Variants in HMCN2 observed in about 807,000 individuals in gnomAD.
HMCN2 encodes hemicentin-2.
A neutral mutation model predicts 377.5 loss-of-function variants in HMCN2; 325 were observed. The ratio of observed to expected loss-of-function variants is 0.86; its 90% CI spans 0.79 to 0.94. The LOEUF is 0.94. Ranked by LOEUF, HMCN2 falls within the 40% of genes least tolerant of loss-of-function variation. The pLI is 0.00. For missense variants in HMCN2, 4,543 were observed against 4,725.3 expected (o/e 0.96, Z 1.13); for synonymous variants, 2,007 against 2,046.8 (o/e 0.98, Z 0.53).
rs765554813 is a variant in HMCN2, at chr9:130,354,869, C to G, written c.4971C>G (p.Thr1657=). 9 of 1,304,166 alleles carry G rather than the reference C, an allele frequency of 6.9e-6. No homozygotes were observed. The highest frequency in any genetic ancestry group is 8.1e-6 in the Non-Finnish European group (8 of 988,954). 80.8% of individuals were successfully genotyped at this position (1,304,166 alleles called of 1,614,324 possible). A position where few individuals can be genotyped will look rare whatever the true frequency, so the allele number is the denominator to read the frequency against. ...TGGCCAGAGGCCACCCGTCCCCCAC[C>G]CTCTCCTGGCACCACGAGGGGCTGC... ...ECVARGHPSP[T]LSWHHEGLPV... The change falls in exon 32 of 98, where the codon ACC becomes ACG. Residue 1657 remains threonine, a synonymous_variant. Coordinates refer to ENST00000683500, the MANE Select transcript of HMCN2 (RefSeq NM_001291815.2).
intron 62 of HMCN2, among the ~76,000 whole-genome samples, chr9:130,389,009 G>A (rs1162521504): frequency 2.0e-5 from 3 of 152,202 alleles, no homozygotes; most frequent in East Asian, 1.9e-4. Flanking sequence ...CCGCATGACG[G>A]CAGAAGCCCC....
At position 130,302,950 on chromosome 9, in the gene HMCN2, G is replaced by C. The variant is rs782089556; in HGVS notation, c.1370G>C (p.Arg457Pro). Reference protein sequence around the residue: ...SCSVHSALPFRLQLRRGEARL... With the variant: ...SCSVHSALPFPLQLRRGEARL... ...TCGGTGCACAGTGCCCTTCCCTTCC[G>C]GCTGCAGCTGCGGCGAGGTGAAGCC... is the stretch of plus-strand genomic sequence containing the variant. Residue 457 changes from arginine (R) to proline (P), a missense_variant, in exon 9 of 98, where the codon CGG becomes CCG. Transcript: ENST00000683500. The C allele has an allele frequency of 2.1e-6, 1 of 470,782 alleles. No individual in the cohort carries two copies. Among genetic ancestry groups the C allele is most frequent in the South Asian group, 1.6e-5 (1 of 64,506 alleles). The allele number at this position is 470,782 out of a possible 1,614,324, so 29.2% of individuals were successfully genotyped here.
chr9:130,293,287 T>TTTTTTTTTTTTTTTTTTG (rs1835907996), intron 4 of HMCN2, among the ~76,000 whole-genome samples: 1 of 140,602 alleles, frequency 7.1e-6, no homozygotes, highest in African/African-American at 2.7e-5. Context: ...AAGTTTTTTT[T>TTTTTTTTTTTTTTTTTTG]TTTTTTTTTT....
chr9:130,350,458 G>A (rs1369736900), intron 29 of HMCN2, among the ~76,000 whole-genome samples: 1 of 151,422 alleles, frequency 6.6e-6, no homozygotes, highest in Non-Finnish European at 1.5e-5. Context: ...TTGGGAGGCT[G>A]AGGCAAGAGA....
At chr9:130,420,924 A>G (rs976897860) in intron 86 of HMCN2, among the ~76,000 whole-genome samples, 2 of 152,076 alleles carry the variant, frequency 1.3e-5, no homozygotes, top group African/African-American at 4.8e-5. Context: ...TAATAGAAAC[A>G]AATATTCTTC....
rs1281594479 is a variant in HMCN2, at chr9:130,404,907, A to G, written c.12187A>G (p.Thr4063Ala). Residue 4063 changes from threonine to alanine, a missense_variant, in exon 81 of 98, where the codon ACC (threonine) becomes GCC (alanine). Thr to Ala is a moderately conservative substitution (Grantham distance 58). Around this residue, in one of 5 missense-constraint regions of HMCN2, gnomAD observed 1,073 missense variants for 1,319.5 expected, o/e 0.81. Coordinates refer to ENST00000683500, the MANE Select transcript of HMCN2 (RefSeq NM_001291815.2). ...VIENGLPDLS[T>A]TEGSHAFLPC... ...CGAGAATGGCCTCCCAGACCTGTCC[A>G]CCACCGAAGGCTCCCACGCCTTCTT... is the stretch of plus-strand genomic sequence containing the variant. 1 of 1,285,280 alleles carries G rather than the reference A, an allele frequency of 7.8e-7. No individual in the cohort carries two copies. The highest frequency in any genetic ancestry group is 1.3e-5 in the South Asian group (1 of 79,904). The allele number at this position is 1,285,280 out of a possible 1,614,324, so 79.6% of individuals were successfully genotyped here.
chr9:130,357,094 A>ATGGATGGC (rs1840065477), intron 34 of HMCN2, among the ~76,000 whole-genome samples: 1 of 147,542 alleles, frequency 6.8e-6, no homozygotes, highest in Non-Finnish European at 1.5e-5. Flanking sequence ...GGATGGATGG[A>ATGGATGGC]TGGAAAGGTG....
rs115707193 is a variant in HMCN2 at position 130,353,810 on chromosome 9, C to T, written c.4864+605C>T. Among the ~76,000 whole-genome samples, 529 of 152,286 alleles carry T rather than the reference C, an allele frequency of 3.5e-3. 2 individuals are homozygous for T. Among genetic ancestry groups the T allele is most frequent in the African/African-American group, 0.012 (504 of 41,562 alleles). Reference sequence around the variant, plus strand: ...CTCTGGGGACTTTTGAAGGAGAACTCAGAGGAAAGGGTGTCGGTGGCTCTG... The same window carrying T: ...CTCTGGGGACTTTTGAAGGAGAACTTAGAGGAAAGGGTGTCGGTGGCTCTG... On this transcript the variant is annotated intron_variant, in intron 31 of 97. Transcript: ENST00000683500.
At position 130,428,901 on chromosome 9, in the gene HMCN2, A is replaced by G. The variant is rs1844555308; in HGVS notation, c.14197+412A>G. 6.6e-6 allele frequency among the ~76,000 whole-genome samples: 1 copy of G among 152,214 alleles called. No individual in the cohort carries two copies. Among genetic ancestry groups the G allele is most frequent in the Non-Finnish European group, 1.5e-5 (1 of 68,020 alleles). Reference sequence around the variant, plus strand: ...CAGCCACAGTGGAACAGGTTCAGTCAGCCTTTGAGATAAAACTTAGGTGCC... The same window carrying G: ...CAGCCACAGTGGAACAGGTTCAGTCGGCCTTTGAGATAAAACTTAGGTGCC... On this transcript the variant is annotated intron_variant, in intron 93 of 97. Coordinates refer to ENST00000683500, the MANE Select transcript of HMCN2 (RefSeq NM_001291815.2). This position sits in a 1 kb window ranked among gnomAD's most constrained non-coding sequence, Gnocchi z 5.0.
intron 37 of HMCN2, among the ~76,000 whole-genome samples, chr9:130,359,775 T>C (rs1457261113): frequency 6.6e-6 from 1 of 151,984 alleles, no homozygotes; most frequent in Non-Finnish European, 1.5e-5. Flanking sequence ...TGGGTGTGGG[T>C]GTTTGCATAG....
At position 130,394,478 on chromosome 9, in the gene HMCN2, C is replaced by T; in HGVS notation, c.10595C>T (p.Pro3532Leu). ...CTCCTCTGTGATGCCCAGGGCACCC[C>T]CCAGCCCAACATCACCTGGCATAAG... is the stretch of plus-strand genomic sequence containing the variant. Reference protein sequence around the residue: ...MELLCDAQGTPQPNITWHKDG... With the variant: ...MELLCDAQGTLQPNITWHKDG... Residue 3532 changes from proline to leucine, a missense_variant, in exon 69 of 98, where the codon CCC becomes CTC. By Grantham distance (98) the Pro-to-Leu change is moderately conservative (BLOSUM62 -3). Around this residue, in one of 5 missense-constraint regions of HMCN2, gnomAD observed 1,073 missense variants for 1,319.5 expected, o/e 0.81. Transcript: ENST00000683500. This position sits in a 1 kb window ranked among gnomAD's most constrained non-coding sequence, Gnocchi z 5.1. 1.6e-6 allele frequency: 2 copies of T among 1,289,828 alleles called. No homozygotes were observed. The highest frequency in any genetic ancestry group is 2.0e-6 in the Non-Finnish European group (2 of 988,862). 79.9% of individuals were successfully genotyped at this position (1,289,828 alleles called of 1,614,324 possible).
rs1416372560 is a variant in HMCN2, at chr9:130,394,422, G to T, written c.10539G>T (p.Glu3513Asp). ...PHIEDSGQPT[E>D]LSLTPGAPME... ...TTGAGGACTCAGGCCAGCCTACAGA[G>T]CTGTCGCTGACCCCCGGCGCCCCCA... Residue 3513 changes from glutamate (E) to aspartate (D), a missense_variant, in exon 69 of 98, where the codon GAG (glutamate) becomes GAT (aspartate). By Grantham distance (45) the Glu-to-Asp change is conservative. Transcript: ENST00000683500. This position sits in a 1 kb window ranked among gnomAD's most constrained non-coding sequence, Gnocchi z 5.1. The T allele has an allele frequency of 1.2e-5, 15 of 1,289,700 alleles. No individual in the cohort carries two copies. The highest frequency in any genetic ancestry group is 2.3e-5 in the Admixed American group (1 of 43,550). The allele number at this position is 1,289,700 out of a possible 1,614,324, so 79.9% of individuals were successfully genotyped here. A position where few individuals can be genotyped will look rare whatever the true frequency, so the allele number is the denominator to read the frequency against.
chr9:130,400,875 C>A lies in HMCN2; in HGVS notation c.11698C>A (p.Pro3900Thr), dbSNP rs1480497209. The change falls in exon 77 of 98, where the codon CCG (proline) becomes ACG (threonine). Residue 3900 changes from proline to threonine, a missense_variant. Physicochemically the swap from Pro to Thr is conservative, Grantham distance 38. Around this residue, in one of 5 missense-constraint regions of HMCN2, gnomAD observed 1,073 missense variants for 1,319.5 expected, o/e 0.81. Transcript: ENST00000683500. ...LTCHSTGIPA[P>T]TVSWSKAGAQ... ...ATGTCACAGCACGGGTATACCAGCT[C>A]CGACCGTGTCCTGGAGCAAGGCAGG... 1 of 1,289,596 alleles carries A rather than the reference C, an allele frequency of 7.8e-7. No homozygotes were observed. The highest frequency in any genetic ancestry group is 1.5e-5 in the African/African-American group (1 of 65,980). The allele number at this position is 1,289,596 out of a possible 1,614,324, so 79.9% of individuals were successfully genotyped here.
At position 130,422,467 on chromosome 9, in the gene HMCN2, C is replaced by G. The variant is rs1188368140; in HGVS notation, c.13232-110C>G. On this transcript the variant is annotated intron_variant, in intron 86 of 97. Transcript: ENST00000683500. The surrounding 1 kb of genome is among the most constrained non-coding windows in gnomAD (Gnocchi z 4.2). ...GTGTCCTTGGACAAGTGGAGGTGAA[C>G]TCTCCGAGCCTCCATTTACTCCTTC... The G allele has an allele frequency of 1.2e-6, 1 of 801,738 alleles. No homozygotes were observed. Among genetic ancestry groups the G allele is most frequent in the Admixed American group, 4.3e-5 (1 of 23,192 alleles). The allele number at this position is 801,738 out of a possible 1,614,324, so 49.7% of individuals were successfully genotyped here. A position where few individuals can be genotyped will look rare whatever the true frequency, so the allele number is the denominator to read the frequency against.
intron 27 of HMCN2, 88 bp from the exon 28 acceptor site, chr9:130,348,896 C>T (rs930069311): frequency 1.6e-6 from 2 of 1,236,082 alleles, no homozygotes; most frequent in Non-Finnish European, 2.1e-6. Flanking sequence ...CCACTGGCCA[C>T]CTCTCGGGCC....
rs2131417758 is a variant in HMCN2 at position 130,325,947 on chromosome 9, A to G, written c.3170A>G (p.Gln1057Arg). 1 of 152,456 alleles carries G rather than the reference A, an allele frequency of 6.6e-6. No homozygotes were observed. The highest frequency in any genetic ancestry group is 1.5e-5 in the Non-Finnish European group (1 of 68,086). 9.4% of individuals were successfully genotyped at this position (152,456 alleles called of 1,614,324 possible). A position where few individuals can be genotyped will look rare whatever the true frequency, so the allele number is the denominator to read the frequency against. The change falls in exon 21 of 98, where the codon CAG becomes CGG. Residue 1057 changes from glutamine to arginine, a missense_variant. Gln to Arg is a conservative substitution (Grantham distance 43). This residue lies in a region of HMCN2 where 547 missense variants were observed against 189.9 expected (regional missense o/e 2.88). Coordinates refer to ENST00000683500, the MANE Select transcript of HMCN2 (RefSeq NM_001291815.2). ...ACCAACACCGTGGGCTTTTCTAGCC[A>G]GGAGATGCGACTTTCTGTCAACAGT... ...TATNTVGFSS[Q>R]EMRLSVNTKP...
intron 46 of HMCN2, among the ~76,000 whole-genome samples, chr9:130,371,424 A>AAC (rs1554959060): frequency 1.4e-4 from 22 of 151,896 alleles, no homozygotes; most frequent in Non-Finnish European, 2.5e-4. Context: ...GAAAAAAAAA[A>AAC]AACAAACTTT....
In HMCN2 at chr9:130,374,511, A is replaced by G; in HGVS notation, c.7448A>G (p.Gln2483Arg). Residue 2483 changes from glutamine to arginine, a missense_variant, in exon 49 of 98, where the codon CAG (glutamine) becomes CGG (arginine). Physicochemically the swap from Gln to Arg is conservative, Grantham distance 43 (BLOSUM62 1). Coordinates refer to ENST00000683500, the MANE Select transcript of HMCN2 (RefSeq NM_001291815.2). ...TCTGCTCTGCATACAGGCCACCCAC[A>G]GCCCAAGCTCACATGGTTCAAAGAT... ...HLMCNVTGHP[Q>R]PKLTWFKDGR... 1.0e-6 allele frequency: 1 copy of G among 985,892 alleles called. No homozygotes were observed. Among genetic ancestry groups the G allele is most frequent in the Non-Finnish European group, 1.2e-6 (1 of 830,004 alleles). 61.1% of individuals were successfully genotyped at this position (985,892 alleles called of 1,614,324 possible).
chr9:130,396,571 G>C lies in HMCN2; in HGVS notation c.11198+258G>C, dbSNP rs570554554. ...TCTGATGGTTTTAAAGCTTCTCTCA[G>C]CTTCTCTCTGTGTAGGCTTCATCTC... On this transcript the variant is annotated intron_variant, in intron 73 of 97. Coordinates refer to ENST00000683500, the MANE Select transcript of HMCN2 (RefSeq NM_001291815.2). Among the ~76,000 whole-genome samples, 12 of 152,264 alleles carry C rather than the reference G, an allele frequency of 7.9e-5. No homozygotes were observed. The East Asian group carries it at 2.3e-3, about 29-fold the overall frequency.
Sources: allele counts gnomAD v4.1 joint callset (sites outside exome capture counted in the v4.1 genomes callset), GRCh38; gene constraint gnomAD v4.1.1; regional missense constraint gnomAD v4.1.1; non-coding constraint Gnocchi (gnomAD v3.1); transcripts MANE v1.5; gene names NCBI Gene and HGNC (gene_info 2026-07-23, HGNC 2026-07-21).